Variants in NAV1 observed in about 807,000 individuals in gnomAD.
NAV1 encodes pore membrane and/or filament interacting like protein 3.
In NAV1, 18 loss-of-function variants were observed where a neutral mutation model predicts 175.2. That is an observed-to-expected ratio of 0.10 (90% CI 0.07 to 0.15). NAV1 has a LOEUF of 0.15. NAV1 is among the 10% of genes least tolerant of loss of function. The pLI, the probability that NAV1 is intolerant of heterozygous loss-of-function variation, is 1.00. For missense variants in NAV1, 1,731 were observed against 2,436.6 expected, an observed-to-expected ratio of 0.71 and a Z score of 6.10; for synonymous variants, 897 against 978.7, an observed-to-expected ratio of 0.92 and a Z score of 1.56.
At chr1:201,734,325 T>C (rs1393906155) in intron 3 of NAV1, among the ~76,000 whole-genome samples, 1 of 151,264 alleles carries the variant, frequency 6.6e-6, no homozygotes, top group Non-Finnish European at 1.5e-5. Flanking sequence ...GGAGGATCGC[T>C]TGAGTGATTG....
At chr1:201,584,707 T>C (rs931403359) in intron 1 of NAV1, among the ~76,000 whole-genome samples, 2 of 152,222 alleles carry the variant, frequency 1.3e-5, no homozygotes, top group African/African-American at 4.8e-5. Context: ...CGCCCAGAGC[T>C]TAGCCCATCA....
intron 1 of NAV1, among the ~76,000 whole-genome samples, chr1:201,541,720 G>A (rs1200122224): frequency 6.6e-6 from 1 of 152,174 alleles, no homozygotes; most frequent in Non-Finnish European, 1.5e-5. Context: ...GTTGCAGTAA[G>A]CCGAGATCAT....
intron 1 of NAV1, among the ~76,000 whole-genome samples, chr1:201,585,535 G>T (rs1375577238): frequency 2.0e-5 from 3 of 151,790 alleles, no homozygotes; most frequent in Non-Finnish European, 4.4e-5. Flanking sequence ...ACAACCCACA[G>T]ATTAGGAAAA....
rs138985548 is a variant in NAV1 at position 201,665,098 on chromosome 1, A to G, written c.757+15673A>G. Among the ~76,000 whole-genome samples, 390 of 152,242 alleles carry G rather than the reference A, an allele frequency of 2.6e-3. 2 individuals carry two copies. The highest frequency in any genetic ancestry group is 8.7e-3 in the African/African-American group (361 of 41,520). The stretch of plus-strand genomic sequence containing the variant: ...GTCTGCCTTAAATTTGCATTTGATT[A>G]AGAAGCACCAGCGTCCTCCCACCCA... On this transcript the variant is annotated intron_variant, in intron 1 of 29. Coordinates refer to ENST00000367296, the Ensembl canonical transcript of NAV1.
intron 17 of NAV1, among the ~76,000 whole-genome samples, chr1:201,805,751 T>A (rs1446580315): frequency 6.6e-6 from 1 of 151,998 alleles, no homozygotes; most frequent in Non-Finnish European, 1.5e-5. Context: ...AGTGAAATCC[T>A]GCCTCTACTA....
rs569290666 is a variant in NAV1, at chr1:201,596,432, T to A, written c.-33+7783T>A. 5.3e-5 allele frequency among the ~76,000 whole-genome samples: 8 copies of A among 152,348 alleles called. No homozygotes were observed. In the East Asian group the frequency reaches 1.5e-3, roughly 29 times the overall value. ...TGGATGCACTGAAGAGGGAGCTTGG[T>A]CAAGCCAGTCCTGTTACTGGCTGGG... On this transcript the variant is annotated intron_variant, in intron 2 of 33. Coordinates refer to the NAV1 transcript ENST00000685211.
chr1:201,795,621 C>T (rs1248203859), intron 15 of NAV1: 1 of 152,168 alleles, frequency 6.6e-6, no homozygotes, highest in Non-Finnish European at 1.5e-5. Context: ...TTCCACCTCC[C>T]TTTCACACCT....
At chr1:201,790,641 T>G (rs776981363) in intron 12 of NAV1, 48 bp from the exon 17 acceptor site, 2 of 1,613,992 alleles carry the variant, frequency 1.2e-6, no homozygotes, top group Admixed American at 1.7e-5. Flanking sequence ...CTTCCAAATC[T>G]TATACAGCTT....
chr1:201,641,183 G>C (rs1262999852), intron 2 of NAV1, among the ~76,000 whole-genome samples: 1 of 152,082 alleles, frequency 6.6e-6, no homozygotes, highest in African/African-American at 2.4e-5. Flanking sequence ...GGACATTCTT[G>C]GTTCCTCTCT....
chr1:201,773,622 G>A (rs985180975), intron 3 of NAV1, among the ~76,000 whole-genome samples: 2 of 152,160 alleles, frequency 1.3e-5, no homozygotes, highest in Non-Finnish European at 2.9e-5. Context: ...TTGATGAGGA[G>A]GGGGAGGAAA....
intron 3 of NAV1, among the ~76,000 whole-genome samples, chr1:201,767,212 G>A (rs925094109): frequency 6.6e-6 from 1 of 151,832 alleles, no homozygotes; most frequent in Non-Finnish European, 1.5e-5. Context: ...CCAGCACTTT[G>A]GGAGGCTGAA....
chr1:201,751,302 T>C (rs770331201), intron 3 of NAV1, among the ~76,000 whole-genome samples: 3 of 152,244 alleles, frequency 2.0e-5, no homozygotes, highest in Non-Finnish European at 4.4e-5. Context: ...ATATGTTTGA[T>C]ATCCAGCCCA....
chr1:201,804,048 A>AT, intron 16 of NAV1: 1 of 504,298 alleles, frequency 2.0e-6, no homozygotes, highest in Non-Finnish European at 3.9e-6. Context: ...ACCACCCCCC[A>AT]TTCCCTTCTA....
chr1:201,647,423 G>A (rs932308473), upstream of NAV1, among the ~76,000 whole-genome samples: 2 of 152,196 alleles, frequency 1.3e-5, no homozygotes, highest in African/African-American at 4.8e-5. Context: ...GTTTGACACA[G>A]GCCTTTACAG....
intron 1 of NAV1, among the ~76,000 whole-genome samples, chr1:201,664,583 C>T (rs1303263565): frequency 6.6e-6 from 1 of 152,190 alleles, no homozygotes; most frequent in Admixed American, 6.5e-5. Context: ...TGTTATCTAC[C>T]CACTCCACTA....
chr1:201,788,463 TC>T lies in NAV1; in HGVS notation c.2996-3del. 1 of 1,613,764 alleles carries T rather than the reference TC, an allele frequency of 6.2e-7. No individual in the cohort carries two copies. The highest frequency in any genetic ancestry group is 8.5e-7 in the Non-Finnish European group (1 of 1,179,922). On this transcript the variant is annotated splice_polypyrimidine_tract_variant and splice_region_variant and intron_variant, in intron 9 of 29. Transcript: ENST00000367296. This position sits in a 1 kb window ranked among gnomAD's most constrained non-coding sequence, Gnocchi z 5.7. The stretch of plus-strand genomic sequence containing the variant: ...CTCCTGTCCCCCTTCCCTCTGTCCT[TC>T]CAGTGAGTCCCACTGCGGCCACCAC...
Position 201,813,329 on chromosome 1 carries a change from T to A in NAV1, c.5340+71T>A. ...ACCTAACAAAGTAGGAATGTTTCTT[T>A]AATGTTAGGCATGGGACTACTAGGA... On this transcript the variant is annotated intron_variant, in intron 28 of 29. Coordinates refer to ENST00000367296, the Ensembl canonical transcript of NAV1. The surrounding 1 kb of genome is among the most constrained non-coding windows in gnomAD (Gnocchi z 4.2). 2.0e-6 allele frequency: 2 copies of A among 1,023,654 alleles called. No individual in the cohort carries two copies. The highest frequency in any genetic ancestry group is 3.0e-6 in the Non-Finnish European group (2 of 667,996). The allele number at this position is 1,023,654 out of a possible 1,614,324, so 63.4% of individuals were successfully genotyped here.
At chr1:201,759,639 A>G (rs1395075416) in intron 3 of NAV1, among the ~76,000 whole-genome samples, 2 of 152,190 alleles carry the variant, frequency 1.3e-5, no homozygotes, top group African/African-American at 4.8e-5. Context: ...GATGGGTATA[A>G]GTAATAGCTA....
At chr1:201,651,122 C>CGTGTGTGTGTGTGTGTGT (rs60462710) in intron 1 of NAV1, among the ~76,000 whole-genome samples, 2,285 of 129,076 alleles carry the variant, frequency 0.018, 77 homozygotes, top group Middle Eastern at 0.02. Context: ...AGGAAGGGAC[C>CGTGTGTGTGTGTGTGTGT]GTGTGTGTGT....
Sources: gnomAD v4.1 joint callset for allele counts (sites outside exome capture counted in the v4.1 genomes callset) on GRCh38, gnomAD v4.1.1 for gene constraint, Gnocchi (gnomAD v3.1) non-coding constraint, MANE v1.5 for transcripts, NCBI Gene and HGNC (gene_info 2026-07-23, HGNC 2026-07-21) for gene names.